The following BNIP3L variants were observed in gnomAD, a reference collection of about 807,000 sequenced individuals.
The protein encoded by BNIP3L is BCL2/adenovirus E1B 19 kDa protein-interacting protein 3-like.
Under a neutral mutation model 25.5 loss-of-function variants are expected in BNIP3L, and 10 were observed. That is an observed-to-expected ratio of 0.39 (90% CI 0.24 to 0.67). The LOEUF (loss-of-function observed/expected upper bound fraction) is 0.67. Ranked by LOEUF, BNIP3L falls within the 30% of genes least tolerant of loss-of-function variation. The pLI is 0.45. For missense variants in BNIP3L, 215 were observed against 270.9 expected (o/e 0.79, Z 1.45); for synonymous variants, 113 against 101.2 (o/e 1.12, Z -0.70).
intron 2 of BNIP3L, among the ~76,000 whole-genome samples, chr8:26,394,408 T>C (rs1806184057): frequency 6.6e-6 from 1 of 152,158 alleles, no homozygotes; most frequent in Non-Finnish European, 1.5e-5. Flanking sequence ...CTTTACATTC[T>C]TAAAAATCAT....
At chr8:26,406,789 G>C (rs1372205583) in intron 3 of BNIP3L, among the ~76,000 whole-genome samples, 1 of 151,462 alleles carries the variant, frequency 6.6e-6, no homozygotes, top group Non-Finnish European at 1.5e-5. Flanking sequence ...ACTCTGGCCT[G>C]GGTGACACAG....
At position 26,404,088 on chromosome 8, in the gene BNIP3L, A is replaced by G. The variant is rs1022092919; in HGVS notation, c.358-3912A>G. 1.8e-4 allele frequency among the ~76,000 whole-genome samples: 27 copies of G among 152,226 alleles called. 1 individual carries two copies. Among genetic ancestry groups the G allele is most frequent in the Admixed American group, 1.0e-3 (16 of 15,282 alleles). ...TGAAAAATGTCTGCTGAGTTATGGTATGGGGAATCTGCCTAAGGCAGTGTG... is the reference window on the plus strand; with the variant it reads ...TGAAAAATGTCTGCTGAGTTATGGTGTGGGGAATCTGCCTAAGGCAGTGTG... On this transcript the variant is annotated intron_variant, in intron 3 of 5. Coordinates refer to ENST00000380629, the MANE Select transcript of BNIP3L (RefSeq NM_004331.3).
At chr8:26,395,481 G>C in intron 3 of BNIP3L, 179 bp downstream of exon 3, 1 of 620,584 alleles carries the variant, frequency 1.6e-6, no homozygotes. Context: ...TACAACTAAG[G>C]ATTTTGGGCC....
At position 26,412,778 on chromosome 8, in the gene BNIP3L, A is replaced by C. The variant is rs571270115; in HGVS notation, c.*2366A>C. ...CTTTACACCTGTTTACAATTTGGGG[A>C]CAAAAAGGCAGGCTTCATTTTTCAT... On this transcript the variant is annotated 3_prime_UTR_variant, in exon 6 of 6. Coordinates refer to ENST00000380629, the MANE Select transcript of BNIP3L (RefSeq NM_004331.3). The C allele has an allele frequency of 1.3e-5, 2 of 152,770 alleles. No homozygotes were observed. Among genetic ancestry groups the C allele is most frequent in the East Asian group, 3.9e-4 (2 of 5,180 alleles). The allele number at this position is 152,770 out of a possible 1,614,324, so 9.5% of individuals were successfully genotyped here. A position where few individuals can be genotyped will look rare whatever the true frequency, so the allele number is the denominator to read the frequency against.
At position 26,411,957 on chromosome 8, in the gene BNIP3L, CT is replaced by C. The variant is rs899435431; in HGVS notation, c.*1549del. ...GTTTGCCAGTTTGCAGAAACTAACT[CT>C]TTTCTCACATCAACATTTGTAAAAT... On this transcript the variant is annotated 3_prime_UTR_variant, in exon 6 of 6. Coordinates refer to ENST00000380629, the MANE Select transcript of BNIP3L (RefSeq NM_004331.3). 6.6e-6 allele frequency: 1 copy of C among 152,606 alleles called. No homozygotes were observed. The highest frequency in any genetic ancestry group is 2.4e-5 in the African/African-American group (1 of 41,440). The allele number at this position is 152,606 out of a possible 1,614,324, so 9.5% of individuals were successfully genotyped here. A position where few individuals can be genotyped will look rare whatever the true frequency, so the allele number is the denominator to read the frequency against.
At chr8:26,408,139 T>G (rs747260723) in intron 4 of BNIP3L, 36 bp downstream of exon 4, 1 of 1,612,396 alleles carries the variant, frequency 6.2e-7, no homozygotes, top group East Asian at 2.2e-5. Flanking sequence ...GTGGACACAG[T>G]TGATCTGCGC....
Position 26,391,304 on chromosome 8 carries a change from TGGG to T in BNIP3L, c.166_168del (p.Gly56del), listed in dbSNP as rs764667330. 2 of 1,611,316 alleles carry T rather than the reference TGGG, an allele frequency of 1.2e-6. No individual in the cohort carries two copies. The highest frequency in any genetic ancestry group is 1.3e-5 in the African/African-American group (1 of 74,612). On this transcript the variant is annotated inframe_deletion, in exon 2 of 6. Coordinates refer to ENST00000380629, the MANE Select transcript of BNIP3L (RefSeq NM_004331.3). ...GCAATGATAATGGCAATGGGAAAAA[TGGG>T]GGGCTGGAACACGTACCATCCTCAT...
At chr8:26,407,709 T>C (rs537781151) in intron 3 of BNIP3L, among the ~76,000 whole-genome samples, 7 of 152,242 alleles carry the variant, frequency 4.6e-5, no homozygotes, top group Non-Finnish European at 7.3e-5. Flanking sequence ...TTAACTCTTA[T>C]CGAGGTTTTT....
chr8:26,385,203 C>A (rs73217737), intron 1 of BNIP3L, among the ~76,000 whole-genome samples: 34,502 of 152,140 alleles, frequency 0.23, 5,049 homozygotes, highest in Non-Finnish European at 0.32. Flanking sequence ...CTTAATTGTA[C>A]AGTTTTCTTA....
chr8:26,388,250 T>A (rs1464555610), intron 1 of BNIP3L, among the ~76,000 whole-genome samples: 1 of 152,212 alleles, frequency 6.6e-6, no homozygotes, highest in African/African-American at 2.4e-5. Context: ...AGAATATAAT[T>A]GTAGTAGCTA....
intron 3 of BNIP3L, among the ~76,000 whole-genome samples, chr8:26,404,132 T>G (rs1209100402): frequency 2.0e-5 from 3 of 152,248 alleles, no homozygotes; most frequent in Non-Finnish European, 4.4e-5. Context: ...AAAAAGACCA[T>G]GAAACTGCTT....
intron 3 of BNIP3L, among the ~76,000 whole-genome samples, chr8:26,401,982 G>C (rs1563341776): frequency 6.6e-6 from 1 of 152,120 alleles, no homozygotes; most frequent in Non-Finnish European, 1.5e-5. Flanking sequence ...TTTTTCTCCT[G>C]TATTTAGGGT....
chr8:26,396,575 C>A (rs1806252441), intron 3 of BNIP3L, among the ~76,000 whole-genome samples: 1 of 146,752 alleles, frequency 6.8e-6, no homozygotes. Flanking sequence ...GCCTCTCCTC[C>A]TCCAAAGGAA....
chr8:26,387,096 C>T (rs1806008494), intron 1 of BNIP3L, among the ~76,000 whole-genome samples: 1 of 152,126 alleles, frequency 6.6e-6, no homozygotes, highest in African/African-American at 2.4e-5. Flanking sequence ...TTCATTCTCT[C>T]CTCCCCTTGT....
intron 1 of BNIP3L, among the ~76,000 whole-genome samples, chr8:26,386,370 C>T (rs1313630912): frequency 2.0e-5 from 3 of 152,116 alleles, no homozygotes; most frequent in Non-Finnish European, 2.9e-5. Flanking sequence ...TAGTGTAAAT[C>T]GTAGTATAAT....
intron 3 of BNIP3L, among the ~76,000 whole-genome samples, chr8:26,405,300 A>G (rs941740773): frequency 1.4e-4 from 21 of 152,242 alleles, no homozygotes; most frequent in African/African-American, 4.6e-4. Context: ...TATTGTGTGT[A>G]CAGGAACTGA....
chr8:26,408,487 G>A, intron 5 of BNIP3L, 111 bp downstream of exon 5: 4 of 1,291,886 alleles, frequency 3.1e-6, no homozygotes, highest in Non-Finnish European at 4.3e-6. Context: ...CAATGTTTTA[G>A]TGCAAATAAG....
Position 26,395,224 on chromosome 8 carries a change from T to G in BNIP3L, c.285-6T>G. On this transcript the variant is annotated splice_region_variant and splice_polypyrimidine_tract_variant and intron_variant, in intron 2 of 5. Coordinates refer to ENST00000380629, the MANE Select transcript of BNIP3L (RefSeq NM_004331.3). Reference sequence around the variant, plus strand: ...AAAACTAATAGCTGAATTCCTTCTCTTCTAGCCCTTCGCCACAAGAAGATG... The same window carrying G: ...AAAACTAATAGCTGAATTCCTTCTCGTCTAGCCCTTCGCCACAAGAAGATG... The G allele has an allele frequency of 6.8e-6, 11 of 1,613,988 alleles. No homozygotes were observed. Among genetic ancestry groups the G allele is most frequent in the Non-Finnish European group, 9.3e-6 (11 of 1,179,884 alleles).
chr8:26,391,111 T>A, intron 1 of BNIP3L, 132 bp from the exon 2 acceptor site: 2 of 699,394 alleles, frequency 2.9e-6, no homozygotes, highest in Non-Finnish European at 4.4e-6. Context: ...TTCTTATTTA[T>A]TTTCTTCAGA....
Sources: gnomAD v4.1 joint callset for allele counts (sites outside exome capture counted in the v4.1 genomes callset) on GRCh38, gnomAD v4.1.1 for gene constraint, MANE v1.5 for transcripts, NCBI Gene and HGNC (gene_info 2026-07-23, HGNC 2026-07-21) for gene names.